The following DPYSL2 variants were observed in gnomAD, a reference collection of about 807,000 sequenced individuals.
DPYSL2 encodes dihydropyrimidinase like 2.
In DPYSL2, 13 loss-of-function variants were observed where a neutral mutation model predicts 69.9. The observed-to-expected ratio is 0.19, with a 90% CI of 0.12 to 0.30. The LOEUF (loss-of-function observed/expected upper bound fraction) is 0.30, where lower values mean the gene tolerates loss of function less well. Ranked by LOEUF, DPYSL2 falls within the 10% of genes least tolerant of loss-of-function variation. The pLI is 1.00. For missense variants in DPYSL2, 587 were observed against 918.9 expected, an observed-to-expected ratio of 0.64 and a Z score of 4.67; for synonymous variants, 326 against 359.1, an observed-to-expected ratio of 0.91 and a Z score of 1.04.
At chr8:26,561,125 A>G (rs1801063535) in intron 1 of DPYSL2, among the ~76,000 whole-genome samples, 1 of 152,136 alleles carries the variant, frequency 6.6e-6, no homozygotes, top group African/African-American at 2.4e-5. Flanking sequence ...GTCATTGGGC[A>G]TTTCTGAGTT....
In DPYSL2 at chr8:26,605,103, A is replaced by G. The variant is rs564926083; in HGVS notation, c.629-19040A>G. On this transcript the variant is annotated intron_variant, in intron 3 of 13. Transcript: ENST00000521913. This position sits in a 1 kb window ranked among gnomAD's most constrained non-coding sequence, Gnocchi z 4.1. ...CAGTCACCCAGTCACCTGAACTTCC[A>G]TTTAACATCAGGTCCCTGGCCATGG... is the stretch of plus-strand genomic sequence containing the variant. Among the ~76,000 whole-genome samples, 89 of 152,256 alleles carry G rather than the reference A, an allele frequency of 5.8e-4. No homozygotes were observed. The highest frequency in any genetic ancestry group is 2.0e-3 in the African/African-American group (85 of 41,556).
At position 26,585,561 on chromosome 8, in the gene DPYSL2, G is replaced by A; in HGVS notation, c.628+1578G>A. Among the ~76,000 whole-genome samples the A allele has an allele frequency of 6.6e-6, 1 of 152,110 alleles. No homozygotes were observed. The highest frequency in any genetic ancestry group is 1.9e-4 in the East Asian group (1 of 5,192). ...GGGTGCCATTTTCCAGGGATGTCGGGGGGAGATTTCATGCACACCTAGGGA... is the reference window on the plus strand; with the variant it reads ...GGGTGCCATTTTCCAGGGATGTCGGAGGGAGATTTCATGCACACCTAGGGA... On this transcript the variant is annotated intron_variant, in intron 3 of 13. Coordinates refer to ENST00000521913, the MANE Select transcript of DPYSL2 (RefSeq NM_001197293.3). This position sits in a 1 kb window ranked among gnomAD's most constrained non-coding sequence, Gnocchi z 4.0.
chr8:26,629,626 T>A (rs1802696599), intron 7 of DPYSL2, among the ~76,000 whole-genome samples: 1 of 152,208 alleles, frequency 6.6e-6, no homozygotes, highest in Non-Finnish European at 1.5e-5. Flanking sequence ...AGCCCCTGTG[T>A]CAGCTGAGGG....
At chr8:26,594,491 AATCT>A (rs1357915802) in intron 3 of DPYSL2, among the ~76,000 whole-genome samples, 1 of 152,116 alleles carries the variant, frequency 6.6e-6, no homozygotes, top group Admixed American at 6.6e-5. Context: ...TCATTTATCT[AATCT>A]ATCTATATAT....
intron 7 of DPYSL2, among the ~76,000 whole-genome samples, chr8:26,631,188 A>G (rs183283649): frequency 1.8e-4 from 27 of 152,274 alleles, no homozygotes; most frequent in Non-Finnish European, 7.4e-5. Flanking sequence ...GTATTCATCC[A>G]TTTTCATACT....
intron 3 of DPYSL2, among the ~76,000 whole-genome samples, chr8:26,623,394 C>T (rs1484227444): frequency 6.6e-6 from 1 of 152,098 alleles, no homozygotes; most frequent in Non-Finnish European, 1.5e-5. Flanking sequence ...CTTTAATCCT[C>T]ATAACAAATG....
At chr8:26,608,474 A>C (rs1358886000) in intron 3 of DPYSL2, among the ~76,000 whole-genome samples, 1 of 152,190 alleles carries the variant, frequency 6.6e-6, no homozygotes, top group Non-Finnish European at 1.5e-5. Context: ...GTTATCTCTT[A>C]CCCACATCAT....
intron 8 of DPYSL2, among the ~76,000 whole-genome samples, chr8:26,635,418 G>A (rs1802889451): frequency 6.6e-6 from 1 of 152,130 alleles, no homozygotes; most frequent in East Asian, 1.9e-4. Context: ...TGGGTCTCTG[G>A]TATTACTAGG....
In DPYSL2 at chr8:26,609,499, CTG is replaced by C. The variant is rs1244853135; in HGVS notation, c.629-14642_629-14641del. ...TTGCACGTGGAAGCTTGTGGCGTGA[CTG>C]TTATTTTTTTGTGATGTTCTGTACA... On this transcript the variant is annotated intron_variant, in intron 3 of 13. Coordinates refer to ENST00000521913, the MANE Select transcript of DPYSL2 (RefSeq NM_001197293.3). The surrounding 1 kb of genome is among the most constrained non-coding windows in gnomAD (Gnocchi z 6.5). 1.3e-5 allele frequency among the ~76,000 whole-genome samples: 2 copies of C among 152,194 alleles called. No individual in the cohort carries two copies. The highest frequency in any genetic ancestry group is 1.5e-5 in the Non-Finnish European group (1 of 68,042).
intron 3 of DPYSL2, among the ~76,000 whole-genome samples, chr8:26,603,121 CTT>C (rs1334246681): frequency 1.3e-5 from 2 of 152,114 alleles, no homozygotes; most frequent in Non-Finnish European, 2.9e-5. Context: ...GGGCAAGTGA[CTT>C]TTCATTTCTC....
intron 1 of DPYSL2, chr8:26,578,309 G>C (rs1801406599): frequency 6.2e-7 from 1 of 1,614,066 alleles, no homozygotes; most frequent in African/African-American, 1.3e-5. Context: ...TTTGGTACTT[G>C]GGAAATCTGC....
intron 3 of DPYSL2, among the ~76,000 whole-genome samples, chr8:26,622,476 A>ATGTGTGTG (rs372106979): frequency 4.7e-5 from 6 of 127,582 alleles, no homozygotes; most frequent in East Asian, 2.1e-4. Flanking sequence ...GTGTGTGTAT[A>ATGTGTGTG]TGTGTGTGTG....
rs1185178484 is a variant in DPYSL2 at position 26,588,139 on chromosome 8, A to G, written c.628+4156A>G. Among the ~76,000 whole-genome samples, 1 of 152,088 alleles carries G rather than the reference A, an allele frequency of 6.6e-6. No individual in the cohort carries two copies. The highest frequency in any genetic ancestry group is 1.5e-5 in the Non-Finnish European group (1 of 68,022). ...CCCATGTGGTAGCTATTGTCATTCC[A>G]TCCTTGCTGGGTACTGACACCCTCC... On this transcript the variant is annotated intron_variant, in intron 3 of 13. Coordinates refer to ENST00000521913, the MANE Select transcript of DPYSL2 (RefSeq NM_001197293.3). This position sits in a 1 kb window ranked among gnomAD's most constrained non-coding sequence, Gnocchi z 5.4.
rs1803029684 is a variant in DPYSL2 at position 26,641,081 on chromosome 8, G to T, written c.1127-2358G>T. Reference sequence around the variant, plus strand: ...TGTGGTCAGCAGCATTCATCCCCATGGTATTCAGGCCACTTTCCAAGAACC... The same window carrying T: ...TGTGGTCAGCAGCATTCATCCCCATTGTATTCAGGCCACTTTCCAAGAACC... On this transcript the variant is annotated intron_variant, in intron 8 of 13. Transcript: ENST00000521913. The surrounding 1 kb of genome is among the most constrained non-coding windows in gnomAD (Gnocchi z 4.1). 6.6e-6 allele frequency among the ~76,000 whole-genome samples: 1 copy of T among 152,184 alleles called. No individual in the cohort carries two copies. The highest frequency in any genetic ancestry group is 1.5e-5 in the Non-Finnish European group (1 of 68,034).
rs1382644292 is a variant in DPYSL2, at chr8:26,620,665, T to C, written c.629-3478T>C. On this transcript the variant is annotated intron_variant, in intron 3 of 13. Transcript: ENST00000521913. This position sits in a 1 kb window ranked among gnomAD's most constrained non-coding sequence, Gnocchi z 4.5. The stretch of plus-strand genomic sequence containing the variant: ...TTATCTAGTAATAATAATGATAAAG[T>C]ATTTTTTAAAGTCATCATGAATCAA... Among the ~76,000 whole-genome samples the C allele has an allele frequency of 6.6e-6, 1 of 152,198 alleles. No individual in the cohort carries two copies. The highest frequency in any genetic ancestry group is 1.5e-5 in the Non-Finnish European group (1 of 68,040).
rs73226179 is a variant in DPYSL2, at chr8:26,614,448, G to A, written c.629-9695G>A. 0.058 allele frequency among the ~76,000 whole-genome samples: 8,894 copies of A among 152,218 alleles called. 294 individuals carry two copies. Among genetic ancestry groups the A allele is most frequent in the East Asian group, 0.11 (552 of 5,176 alleles). ...AGGGTCCTTCAGGATCATTTTATCC[G>A]TATCCCTTTCGTATCTTTTAGTGAG... On this transcript the variant is annotated intron_variant, in intron 3 of 13. Transcript: ENST00000521913. The surrounding 1 kb of genome is among the most constrained non-coding windows in gnomAD (Gnocchi z 4.9).
chr8:26,604,097 G>A lies in DPYSL2; in HGVS notation c.629-20046G>A, dbSNP rs919109564. Reference sequence around the variant, plus strand: ...CTGTGCAGCTTAAATTTGATTGAAGGTACAAAGTACTGAGCATTGCCTGGC... The same window carrying A: ...CTGTGCAGCTTAAATTTGATTGAAGATACAAAGTACTGAGCATTGCCTGGC... On this transcript the variant is annotated intron_variant, in intron 3 of 13. Transcript: ENST00000521913. 3.3e-5 allele frequency among the ~76,000 whole-genome samples: 5 copies of A among 152,112 alleles called. No individual in the cohort carries two copies. The East Asian group carries it at 9.6e-4, about 29-fold the overall frequency.
At chr8:26,578,057 GAAGA>G (rs1371249252) in intron 1 of DPYSL2, 5 of 1,455,006 alleles carry the variant, frequency 3.4e-6, no homozygotes, top group Non-Finnish European at 4.5e-6. Flanking sequence ...TGGAGGAGAG[GAAGA>G]AAGAGAGACA....
chr8:26,606,472 G>A (rs577675030), intron 3 of DPYSL2, among the ~76,000 whole-genome samples: 5 of 97,524 alleles, frequency 5.1e-5, no homozygotes, highest in Middle Eastern at 6.0e-3. Flanking sequence ...AAAGGATAAC[G>A]AAGTAGGACA....
Sources: gnomAD v4.1 joint callset for allele counts (sites outside exome capture counted in the v4.1 genomes callset) on GRCh38, gnomAD v4.1.1 for gene constraint, Gnocchi (gnomAD v3.1) non-coding constraint, MANE v1.5 for transcripts, NCBI Gene and HGNC (gene_info 2026-07-23, HGNC 2026-07-21) for gene names.